GDPD5: variants seen among roughly 807,000 people sequenced by gnomAD.
GDPD5 encodes glycerophosphodiester phosphodiesterase 2.
GDPD5 carries 48 observed loss-of-function variants against 75.1 expected under a neutral mutation model. The ratio of observed to expected loss-of-function variants is 0.64; its 90% CI spans 0.51 to 0.81. GDPD5 has a LOEUF of 0.81. GDPD5 is among the 40% of genes least tolerant of loss of function. The probability of loss-of-function intolerance (pLI) is 0.00; values close to 1 mark genes in which losing one functional copy is unlikely to be tolerated. For synonymous variants in GDPD5, 336 were observed against 339.0 expected (o/e 0.99, Z 0.10); for missense variants, 706 against 822.6 (o/e 0.86, Z 1.73).
rs1948814630 is a variant in GDPD5 at position 75,441,724 on chromosome 11, T to A, written c.1247A>T (p.Glu416Val). 2.5e-6 allele frequency: 4 copies of A among 1,611,550 alleles called. No homozygotes were observed. In the Admixed American group the frequency reaches 6.7e-5, roughly 27 times the overall value. ...PGFQQTSGSK[E>V]AVASLRRGHI... ...GCCTCTCCGCAGGCTGGCGACTGCCTCCTTGGAGCCTGATGTCTGTTGGAA... is the reference window on the plus strand; with the variant it reads ...GCCTCTCCGCAGGCTGGCGACTGCCACCTTGGAGCCTGATGTCTGTTGGAA... Residue 416 changes from glutamate (E) to valine (V), a missense_variant, in exon 13 of 17, where the codon GAG becomes GTG. Transcript: ENST00000336898.
chr11:75,480,019 T>C (rs1458494437), intron 2 of GDPD5, among the ~76,000 whole-genome samples: 1 of 152,226 alleles, frequency 6.6e-6, no homozygotes, highest in Non-Finnish European at 1.5e-5. Flanking sequence ...AATGAGTTTT[T>C]TGTGTGAACG....
intron 5 of GDPD5, 100 bp downstream of exon 5, chr11:75,457,593 C>T: frequency 1.2e-6 from 1 of 809,576 alleles, no homozygotes; most frequent in East Asian, 2.5e-5. Context: ...TACAGCTTTC[C>T]CCTTTATACC....
chr11:75,481,634 C>A (rs758113769), intron 2 of GDPD5, among the ~76,000 whole-genome samples: 5 of 152,144 alleles, frequency 3.3e-5, no homozygotes, highest in Admixed American at 6.5e-5. Context: ...GGGAGTGCTG[C>A]GTGCCCACAT....
chr11:75,442,307 C>A, intron 12 of GDPD5, 56 bp downstream of exon 12: 2 of 1,335,268 alleles, frequency 1.5e-6, no homozygotes, highest in Non-Finnish European at 2.1e-6. Flanking sequence ...TATGCAGCAG[C>A]AGGGCTCTAG....
chr11:75,449,707 C>A, intron 7 of GDPD5, 97 bp from the exon 8 acceptor site: 1 of 1,342,214 alleles, frequency 7.5e-7, no homozygotes, highest in Non-Finnish European at 1.0e-6. Context: ...GCAGGCAACC[C>A]TGTCTCCATC....
rs896819273 is a variant in GDPD5 at position 75,443,320 on chromosome 11, C to G, written c.798-34G>C. On this transcript the variant is annotated intron_variant, in intron 10 of 16. Coordinates refer to ENST00000336898, the MANE Select transcript of GDPD5 (RefSeq NM_030792.8). ...AGGGTGGGGCCACCGAGTCAGTGAC[C>G]CCCCAGATCCTTTACCTGCCCACCA... 1.9e-6 allele frequency: 3 copies of G among 1,578,476 alleles called. No homozygotes were observed. The African/African-American group carries it at 4.0e-5, about 21-fold the overall frequency.
Position 75,436,931 on chromosome 11 carries a change from TG to T in GDPD5, c.1669+4del, listed in dbSNP as rs1948640879. On this transcript the variant is annotated splice_donor_region_variant and intron_variant, in intron 16 of 16. Transcript: ENST00000336898. ...CTGCCTCCACCTGTCTGCAGGGCTG[TG>T]TACCTGAGAAAATAAGCTTCTCCTT... 1 of 1,610,946 alleles carries T rather than the reference TG, an allele frequency of 6.2e-7. No homozygotes were observed. Among genetic ancestry groups the T allele is most frequent in the Admixed American group, 1.7e-5 (1 of 59,982 alleles).
intron 1 of GDPD5, among the ~76,000 whole-genome samples, chr11:75,512,325 C>CACACACA (rs55710152): frequency 1.3e-5 from 2 of 149,058 alleles, no homozygotes; most frequent in African/African-American, 4.9e-5. Context: ...CACACACACA[C>CACACACA]GAGGGGAGAG....
intron 3 of GDPD5, among the ~76,000 whole-genome samples, chr11:75,471,399 G>C (rs1317400344): frequency 1.3e-5 from 2 of 152,174 alleles, no homozygotes; most frequent in African/African-American, 4.8e-5. Context: ...TATTTTTCTG[G>C]ACTACAGAGA....
rs1948599292 is a variant in GDPD5, at chr11:75,435,413, T to G, written c.*94A>C. ...CCCACAAGGAGGCTGTGGAGCCCGC[T>G]CCCAGAGCACTCCGAGTTCAGACAC... On this transcript the variant is annotated 3_prime_UTR_variant, in exon 17 of 17. Transcript: ENST00000336898. The G allele has an allele frequency of 1.6e-6, 2 of 1,250,690 alleles. No homozygotes were observed. Among genetic ancestry groups the G allele is most frequent in the African/African-American group, 3.0e-5 (2 of 66,910 alleles). 77.5% of individuals were successfully genotyped at this position (1,250,690 alleles called of 1,614,324 possible).
intron 2 of GDPD5, among the ~76,000 whole-genome samples, chr11:75,487,714 G>A (rs544633299): frequency 1.4e-3 from 217 of 152,326 alleles, no homozygotes; most frequent in Non-Finnish European, 1.8e-3. Context: ...CCCAAATCAG[G>A]AGCCTGCCCA....
At chr11:75,520,315 C>T (rs767111088) in intron 1 of GDPD5, among the ~76,000 whole-genome samples, 2 of 152,224 alleles carry the variant, frequency 1.3e-5, no homozygotes, top group South Asian at 2.1e-4. Context: ...GACAGGCACC[C>T]CACTTCCTTC....
chr11:75,444,571 A>G, intron 9 of GDPD5, 76 bp from the exon 10 acceptor site: 1 of 1,147,364 alleles, frequency 8.7e-7, no homozygotes, highest in Admixed American at 1.7e-5. Context: ...AAAGTCTTTC[A>G]TGTTGGGAGG....
At chr11:75,464,461 C>G (rs1203663290) in intron 3 of GDPD5, among the ~76,000 whole-genome samples, 2 of 152,182 alleles carry the variant, frequency 1.3e-5, no homozygotes, top group African/African-American at 4.8e-5. Flanking sequence ...GACTCCATAC[C>G]CACTAAGGGC....
chr11:75,445,085 G>A (rs1698829335), intron 9 of GDPD5, among the ~76,000 whole-genome samples: 1 of 152,124 alleles, frequency 6.6e-6, no homozygotes, highest in Admixed American at 6.5e-5. Flanking sequence ...AAAGCCTCTA[G>A]CACACTGCTT....
intron 2 of GDPD5, among the ~76,000 whole-genome samples, chr11:75,486,143 C>T (rs1950018224): frequency 6.6e-6 from 1 of 152,164 alleles, no homozygotes; most frequent in Non-Finnish European, 1.5e-5. Context: ...ACTTCTAAAA[C>T]CCTTTAGCTA....
chr11:75,473,161 G>T (rs1043900478), intron 3 of GDPD5, among the ~76,000 whole-genome samples: 1 of 152,028 alleles, frequency 6.6e-6, no homozygotes, highest in Non-Finnish European at 1.5e-5. Context: ...TCCCTACACC[G>T]AGTGTCTTCC....
intron 1 of GDPD5, among the ~76,000 whole-genome samples, chr11:75,501,202 CA>C (rs1190814737): frequency 6.6e-6 from 1 of 152,264 alleles, no homozygotes; most frequent in East Asian, 1.9e-4. Flanking sequence ...CACAGGCCCC[CA>C]GGGGCAAGGG....
At chr11:75,520,790 G>A (rs1375869257) in intron 1 of GDPD5, among the ~76,000 whole-genome samples, 1 of 152,236 alleles carries the variant, frequency 6.6e-6, no homozygotes. Context: ...AAAGGGAGGA[G>A]AAGCTGGCTG....
Sources: gnomAD v4.1 joint callset for allele counts (sites outside exome capture counted in the v4.1 genomes callset) on GRCh38, gnomAD v4.1.1 for gene constraint, MANE v1.5 for transcripts, NCBI Gene and HGNC (gene_info 2026-07-23, HGNC 2026-07-21) for gene names.